NRG3: variants seen among roughly 807,000 people sequenced by gnomAD.
NRG3 encodes the protein pro-neuregulin-3, membrane-bound isoform.
NRG3 carries 31 observed loss-of-function variants against 66.9 expected under a neutral mutation model. The ratio of observed to expected loss-of-function variants is 0.46; its 90% CI spans 0.35 to 0.63. The LOEUF is 0.63. Among genes scored for constraint, NRG3 ranks in the 20% least tolerant of loss-of-function variants. The probability of loss-of-function intolerance (pLI) is 0.00; values close to 1 mark genes in which losing one functional copy is unlikely to be tolerated. For synonymous variants in NRG3, 393 were observed against 359.4 expected, an observed-to-expected ratio of 1.09 and a Z score of -1.06; for missense variants, 910 against 878.9, an observed-to-expected ratio of 1.04 and a Z score of -0.45.
intron 1 of NRG3, among the ~76,000 whole-genome samples, chr10:82,266,374 G>A (rs911139820): frequency 5.9e-5 from 9 of 152,088 alleles, no homozygotes; most frequent in African/African-American, 1.7e-4. Context: ...TGTGGAGCTC[G>A]TAAGTAATAT....
At chr10:82,700,961 G>A (rs1415260310) in intron 2 of NRG3, among the ~76,000 whole-genome samples, 1 of 152,018 alleles carries the variant, frequency 6.6e-6, no homozygotes, top group Non-Finnish European at 1.5e-5. Context: ...TTCTGAGCCT[G>A]AATTTTCCTA....
At chr10:82,386,866 C>G (rs182366740) in intron 2 of NRG3, among the ~76,000 whole-genome samples, 575 of 152,232 alleles carry the variant, frequency 3.8e-3, no homozygotes, top group African/African-American at 0.012. Context: ...GTGGCATGAT[C>G]TCAGCTCACT....
At chr10:81,993,244 C>T (rs2060807506) in intron 1 of NRG3, among the ~76,000 whole-genome samples, 1 of 152,182 alleles carries the variant, frequency 6.6e-6, no homozygotes, top group Non-Finnish European at 1.5e-5. Context: ...ATATAGTCTA[C>T]TGTTCTCATT....
At chr10:81,878,156 G>A in intron 1 of NRG3, 1 of 1,382,198 alleles carries the variant, frequency 7.2e-7, no homozygotes, top group Non-Finnish European at 9.6e-7. Flanking sequence ...ATGGCAGCCT[G>A]TTTAATAAGT....
At chr10:82,350,537 T>C (rs1371781119) in intron 1 of NRG3, among the ~76,000 whole-genome samples, 1 of 152,216 alleles carries the variant, frequency 6.6e-6, no homozygotes, top group Non-Finnish European at 1.5e-5. Flanking sequence ...TTCAGCCACT[T>C]CTAACCTGAG....
At chr10:82,820,443 T>C (rs2061901175) in intron 3 of NRG3, among the ~76,000 whole-genome samples, 3 of 152,200 alleles carry the variant, frequency 2.0e-5, no homozygotes, top group Admixed American at 2.0e-4. Context: ...TGGTTTTCTC[T>C]TATCACATTT....
intron 2 of NRG3, among the ~76,000 whole-genome samples, chr10:82,602,189 G>A (rs962778438): frequency 2.6e-5 from 4 of 151,724 alleles, no homozygotes; most frequent in African/African-American, 7.3e-5. Flanking sequence ...GTCCACAGTC[G>A]ACTATCCGTT....
At chr10:82,475,948 G>C (rs1841737925) in intron 2 of NRG3, among the ~76,000 whole-genome samples, 1 of 152,078 alleles carries the variant, frequency 6.6e-6, no homozygotes, top group African/African-American at 2.4e-5. Flanking sequence ...CATCTGATAA[G>C]CAGTTAAGGT....
At chr10:82,030,041 A>T (rs1416904325) in intron 1 of NRG3, among the ~76,000 whole-genome samples, 8 of 151,998 alleles carry the variant, frequency 5.3e-5, no homozygotes, top group African/African-American at 1.7e-4. Context: ...CGTAAGGGGA[A>T]CTCTGACAGG....
chr10:82,024,781 A>C (rs2062223543), intron 1 of NRG3, among the ~76,000 whole-genome samples: 1 of 152,110 alleles, frequency 6.6e-6, no homozygotes, highest in Non-Finnish European at 1.5e-5. Flanking sequence ...TTCCTACATT[A>C]AATTCAGTGA....
At chr10:82,227,387 C>T (rs1309433785) in intron 1 of NRG3, among the ~76,000 whole-genome samples, 1 of 151,634 alleles carries the variant, frequency 6.6e-6, no homozygotes, top group Non-Finnish European at 1.5e-5. Context: ...ACAACTGGCT[C>T]ATTATTATTA....
chr10:82,721,931 C>A (rs1355636134), intron 2 of NRG3, among the ~76,000 whole-genome samples: 5 of 149,862 alleles, frequency 3.3e-5, no homozygotes, highest in Non-Finnish European at 5.9e-5. Flanking sequence ...CTCTTTTTGA[C>A]CTTGCTTTGT....
chr10:82,363,463 G>A (rs1388601436), intron 2 of NRG3, among the ~76,000 whole-genome samples: 2 of 152,080 alleles, frequency 1.3e-5, no homozygotes, highest in Non-Finnish European at 2.9e-5. Context: ...TTGTTTGTTT[G>A]TTTGTTTTTT....
intron 2 of NRG3, among the ~76,000 whole-genome samples, chr10:82,628,319 T>A (rs773366925): frequency 3.3e-5 from 5 of 152,306 alleles, no homozygotes; most frequent in Admixed American, 6.5e-5. Context: ...ATTTTTTTAA[T>A]CATTCTCTAG....
intron 2 of NRG3, among the ~76,000 whole-genome samples, chr10:82,438,370 C>T (rs548270023): frequency 6.6e-6 from 1 of 152,360 alleles, no homozygotes; most frequent in South Asian, 2.1e-4. Flanking sequence ...GGGGACAAGT[C>T]TTGGGACCAA....
intron 3 of NRG3, among the ~76,000 whole-genome samples, chr10:82,835,623 G>C (rs755494195): frequency 3.9e-5 from 6 of 152,196 alleles, no homozygotes; most frequent in Non-Finnish European, 5.9e-5. Flanking sequence ...GGTTGGCAGA[G>C]GCTGACTAGA....
intron 1 of NRG3, among the ~76,000 whole-genome samples, chr10:82,315,749 T>G (rs2135052826): frequency 6.7e-6 from 1 of 148,438 alleles, no homozygotes; most frequent in South Asian, 2.2e-4. Context: ...CGCTGCAACC[T>G]CCGTCTCCTG....
intron 2 of NRG3, among the ~76,000 whole-genome samples, chr10:82,697,045 A>C (rs919208676): frequency 2.0e-5 from 3 of 152,178 alleles, no homozygotes; most frequent in Non-Finnish European, 1.5e-5. Flanking sequence ...TTCAAATATT[A>C]TGGTACAACT....
At chr10:82,842,765 A>G (rs2063122550) in intron 3 of NRG3, among the ~76,000 whole-genome samples, 1 of 152,092 alleles carries the variant, frequency 6.6e-6, no homozygotes, top group Admixed American at 6.6e-5. Context: ...TGTCACCCAT[A>G]CCAGAGTTGT....
Sources: gnomAD v4.1 joint callset for allele counts (sites outside exome capture counted in the v4.1 genomes callset) on GRCh38, gnomAD v4.1.1 for gene constraint, MANE v1.5 for transcripts, NCBI Gene and HGNC (gene_info 2026-07-23, HGNC 2026-07-21) for gene names.